ANKS1B: variants seen among roughly 807,000 people sequenced by gnomAD.
The protein encoded by ANKS1B is ankyrin repeat and sterile alpha motif domain-containing protein 1B.
Under a neutral mutation model 148.3 loss-of-function variants are expected in ANKS1B, and 36 were observed. That is an observed-to-expected ratio of 0.24 (90% CI 0.19 to 0.32). The LOEUF (loss-of-function observed/expected upper bound fraction) is 0.32, where lower values mean the gene tolerates loss of function less well. Among genes scored for constraint, ANKS1B ranks in the 10% least tolerant of loss-of-function variants. The probability of loss-of-function intolerance (pLI) is 1.00; values close to 1 mark genes in which losing one functional copy is unlikely to be tolerated. For synonymous variants in ANKS1B, 542 were observed against 560.8 expected (o/e 0.97, Z 0.47); for missense variants, 1,157 against 1,542.6 (o/e 0.75, Z 4.19).
At chr12:99,969,731 G>A (rs1156428204) in intron 1 of ANKS1B, among the ~76,000 whole-genome samples, 1 of 152,026 alleles carries the variant, frequency 6.6e-6, no homozygotes, top group Non-Finnish European at 1.5e-5. Flanking sequence ...GAAATATATT[G>A]GTATATTCAT....
chr12:99,581,897 C>CAAAAAAAAAAAA (rs369048602), intron 9 of ANKS1B, among the ~76,000 whole-genome samples: 4 of 60,706 alleles, frequency 6.6e-5, no homozygotes, highest in South Asian at 5.6e-4. Context: ...GACTCCGTCT[C>CAAAAAAAAAAAA]AAAAAAAAAA....
chr12:99,565,102 A>T (rs2097374583), intron 9 of ANKS1B, among the ~76,000 whole-genome samples: 1 of 152,214 alleles, frequency 6.6e-6, no homozygotes, highest in Non-Finnish European at 1.5e-5. Flanking sequence ...TACAAAAATT[A>T]ATCCCTGTAT....
At chr12:99,418,463 T>A (rs1224902174) in intron 11 of ANKS1B, among the ~76,000 whole-genome samples, 1 of 152,214 alleles carries the variant, frequency 6.6e-6, no homozygotes, top group Non-Finnish European at 1.5e-5. Flanking sequence ...AATTTTTTTA[T>A]GTGTATCTTG....
intron 17 of ANKS1B, chr12:98,895,007 G>C (rs2099761768): frequency 1.2e-6 from 1 of 819,498 alleles, no homozygotes; most frequent in Non-Finnish European, 1.5e-6. Flanking sequence ...GGCGGCGGCG[G>C]CGCGTCCTCC....
At chr12:99,026,955 G>A (rs17029005) in intron 17 of ANKS1B, among the ~76,000 whole-genome samples, 8,537 of 152,184 alleles carry the variant, frequency 0.056, 520 homozygotes, top group African/African-American at 0.14. Flanking sequence ...AAAGAAATGC[G>A]GGGATGAATC....
chr12:99,597,703 T>A (rs892241700), intron 9 of ANKS1B, among the ~76,000 whole-genome samples: 6 of 152,094 alleles, frequency 3.9e-5, no homozygotes, highest in Non-Finnish European at 8.8e-5. Context: ...AATCAGTTAA[T>A]CCTATATCAA....
intron 1 of ANKS1B, among the ~76,000 whole-genome samples, chr12:99,903,068 A>G (rs1367556756): frequency 6.6e-6 from 1 of 152,198 alleles, no homozygotes; most frequent in Non-Finnish European, 1.5e-5. Flanking sequence ...CCTGTGATAC[A>G]TATTAAATGA....
At chr12:99,277,704 G>C (rs1299768609) in intron 12 of ANKS1B, among the ~76,000 whole-genome samples, 3 of 152,200 alleles carry the variant, frequency 2.0e-5, no homozygotes, top group Non-Finnish European at 4.4e-5. Context: ...GTTCAAGATA[G>C]TATGTGCTTT....
At chr12:99,495,935 A>G (rs1306378395) in intron 10 of ANKS1B, among the ~76,000 whole-genome samples, 1 of 152,254 alleles carries the variant, frequency 6.6e-6, no homozygotes, top group Non-Finnish European at 1.5e-5. Flanking sequence ...TGCAGAAGGT[A>G]TAGTAGAGTG....
intron 14 of ANKS1B, among the ~76,000 whole-genome samples, chr12:99,215,034 A>C (rs1461650014): frequency 6.6e-6 from 1 of 152,214 alleles, no homozygotes; most frequent in African/African-American, 2.4e-5. Context: ...GCAGCAAAGC[A>C]TTCAAGAGGT....
At chr12:99,777,395 G>C (rs2063756558) in intron 6 of ANKS1B, among the ~76,000 whole-genome samples, 1 of 152,088 alleles carries the variant, frequency 6.6e-6, no homozygotes, top group African/African-American at 2.4e-5. Flanking sequence ...AATTAATCTT[G>C]ACCATTTAGG....
intron 1 of ANKS1B, among the ~76,000 whole-genome samples, chr12:99,920,881 T>G (rs2153797705): frequency 6.6e-6 from 1 of 152,298 alleles, no homozygotes; most frequent in Admixed American, 6.5e-5. Flanking sequence ...TCTTCTTTAC[T>G]CAGTCAACTA....
intron 1 of ANKS1B, among the ~76,000 whole-genome samples, chr12:99,910,354 CAAAAA>C (rs57222450): frequency 2.9e-4 from 15 of 51,092 alleles, no homozygotes; most frequent in African/African-American, 6.4e-4. Flanking sequence ...GACTCCATCT[CAAAAA>C]AAAAAAAAAA....
At chr12:99,264,045 G>C (rs1468670188) in intron 12 of ANKS1B, among the ~76,000 whole-genome samples, 2 of 152,046 alleles carry the variant, frequency 1.3e-5, no homozygotes, top group African/African-American at 2.4e-5. Flanking sequence ...ATTGTCTTCT[G>C]TAAGTAATCT....
chr12:99,829,250 CCTG>C (rs138650210), intron 1 of ANKS1B, among the ~76,000 whole-genome samples: 2,049 of 152,218 alleles, frequency 0.013, 57 homozygotes, highest in East Asian at 0.085. Flanking sequence ...GTGGCTCACG[CCTG>C]TAATCCCAGC....
chr12:99,179,297 C>T (rs1422133874), intron 14 of ANKS1B, among the ~76,000 whole-genome samples: 1 of 151,630 alleles, frequency 6.6e-6, no homozygotes, highest in African/African-American at 2.4e-5. Context: ...GGCGTGGTGG[C>T]GGGTGCCTGT....
intron 9 of ANKS1B, among the ~76,000 whole-genome samples, chr12:99,627,223 A>T (rs1266309379): frequency 1.3e-5 from 2 of 152,206 alleles, no homozygotes; most frequent in Non-Finnish European, 2.9e-5. Flanking sequence ...TTTTATTAAT[A>T]CACAATTGAG....
chr12:99,285,260 T>G (rs1179621669), intron 12 of ANKS1B, among the ~76,000 whole-genome samples: 1 of 152,212 alleles, frequency 6.6e-6, no homozygotes, highest in Admixed American at 6.5e-5. Context: ...GCATAGTTAT[T>G]TTGATATTTA....
intron 12 of ANKS1B, among the ~76,000 whole-genome samples, chr12:99,261,862 G>T (rs1226094470): frequency 6.6e-6 from 1 of 152,014 alleles, no homozygotes; most frequent in Non-Finnish European, 1.5e-5. Flanking sequence ...TAAAAGCCAG[G>T]ATCCTTACAA....
Sources: gnomAD v4.1 joint callset for allele counts (sites outside exome capture counted in the v4.1 genomes callset) on GRCh38, gnomAD v4.1.1 for gene constraint, MANE v1.5 for transcripts, NCBI Gene and HGNC (gene_info 2026-07-23, HGNC 2026-07-21) for gene names.